PAPPA2: variants seen among roughly 807,000 people sequenced by gnomAD.
PAPPA2 encodes pappalysin-2.
Under a neutral mutation model 176.4 loss-of-function variants are expected in PAPPA2, and 86 were observed. The observed-to-expected ratio is 0.49, with a 90% CI of 0.41 to 0.58. The LOEUF (loss-of-function observed/expected upper bound fraction) is 0.58, where lower values mean the gene tolerates loss of function less well. Among genes scored for constraint, PAPPA2 ranks in the 20% least tolerant of loss-of-function variants. The probability of loss-of-function intolerance (pLI) is 0.00; values close to 1 mark genes in which losing one functional copy is unlikely to be tolerated. For missense variants in PAPPA2, 2,073 were observed against 2,256.9 expected, an observed-to-expected ratio of 0.92 and a Z score of 1.65; for synonymous variants, 809 against 852.2, an observed-to-expected ratio of 0.95 and a Z score of 0.88.
At chr1:176,723,100 G>A (rs565777005) in intron 12 of PAPPA2, among the ~76,000 whole-genome samples, 5 of 152,090 alleles carry the variant, frequency 3.3e-5, no homozygotes, top group Non-Finnish European at 7.4e-5. Context: ...AGGGTAGTAG[G>A]GCAAAAGAGA....
At chr1:176,652,061 G>A (rs561547210) in intron 3 of PAPPA2, among the ~76,000 whole-genome samples, 15 of 151,334 alleles carry the variant, frequency 9.9e-5, no homozygotes, top group South Asian at 4.2e-4. Context: ...TGTTATCTTG[G>A]AGATCACTCA....
rs1479857304 is a variant in PAPPA2, at chr1:176,845,246, G to T, written c.*2792G>T. 6.6e-6 allele frequency: 1 copy of T among 152,200 alleles called. No individual in the cohort carries two copies. Among genetic ancestry groups the T allele is most frequent in the Admixed American group, 6.5e-5 (1 of 15,274 alleles). 9.4% of individuals were successfully genotyped at this position (152,200 alleles called of 1,614,324 possible). A position where few individuals can be genotyped will look rare whatever the true frequency, so the allele number is the denominator to read the frequency against. On this transcript the variant is annotated 3_prime_UTR_variant, in exon 23 of 23. Transcript: ENST00000367662. Reference sequence around the variant, plus strand: ...TCTGTGTGTTTGATTGTGCCCAGGTGGCCCAGGGCTAGCTGGCTCTAACAA... The same window carrying T: ...TCTGTGTGTTTGATTGTGCCCAGGTTGCCCAGGGCTAGCTGGCTCTAACAA...
chr1:176,482,928 G>C (rs1416130450), intron 1 of PAPPA2, among the ~76,000 whole-genome samples: 1 of 152,172 alleles, frequency 6.6e-6, no homozygotes, highest in Non-Finnish European at 1.5e-5. Context: ...TGTAATGAGG[G>C]AGGAGGATGG....
At position 176,473,087 on chromosome 1, in the gene PAPPA2, A is replaced by G. The variant is rs185333480; in HGVS notation, c.-917+9669A>G. Among the ~76,000 whole-genome samples, 23 of 152,262 alleles carry G rather than the reference A, an allele frequency of 1.5e-4. No homozygotes were observed. The East Asian group carries it at 3.5e-3, about 23-fold the overall frequency. The stretch of plus-strand genomic sequence containing the variant: ...GGTTCACTTTTGGTGCTTACATTCT[A>G]TAGATTTTGAAATTCATAATGATAT... On this transcript the variant is annotated intron_variant, in intron 1 of 22. Transcript: ENST00000367662.
intron 17 of PAPPA2, among the ~76,000 whole-genome samples, chr1:176,786,673 A>C (rs954509208): frequency 1.3e-5 from 2 of 152,210 alleles, no homozygotes; most frequent in African/African-American, 4.8e-5. Flanking sequence ...TCAGAGCCTG[A>C]CGTGGCAGGA....
At chr1:176,740,594 A>G (rs1354818280) in intron 14 of PAPPA2, among the ~76,000 whole-genome samples, 1 of 152,210 alleles carries the variant, frequency 6.6e-6, no homozygotes, top group Non-Finnish European at 1.5e-5. Flanking sequence ...TAGCAAGTTT[A>G]ACAATTGCTT....
chr1:176,516,264 G>A (rs549517164), intron 1 of PAPPA2, among the ~76,000 whole-genome samples: 33 of 147,400 alleles, frequency 2.2e-4, no homozygotes, highest in Middle Eastern at 7.1e-3. Context: ...CAAATGAAGA[G>A]AGTTTAATTC....
rs1660965625 is a variant in PAPPA2 at position 176,708,132 on chromosome 1, C to T, written c.3457+1682C>T. 2.0e-5 allele frequency among the ~76,000 whole-genome samples: 3 copies of T among 152,280 alleles called. No homozygotes were observed. In the South Asian group the frequency reaches 6.2e-4, roughly 32 times the overall value. On this transcript the variant is annotated intron_variant, in intron 10 of 22. Transcript: ENST00000367662. ...TATATTCTCCAAACACTGAACTTTC[C>T]TCAGTGTAGCTCAAGTCTTATTTAA...
chr1:176,730,521 T>C (rs1329108366), intron 12 of PAPPA2, among the ~76,000 whole-genome samples: 1 of 152,028 alleles, frequency 6.6e-6, no homozygotes, highest in Admixed American at 6.6e-5. Context: ...TGCATGGGGT[T>C]TGTCTGGCTT....
At chr1:176,592,953 G>A (rs80293918) in intron 2 of PAPPA2, among the ~76,000 whole-genome samples, 2 of 152,234 alleles carry the variant, frequency 1.3e-5, no homozygotes, top group East Asian at 3.9e-4. Context: ...AGTTTGTAGA[G>A]GAGTATTCCT....
chr1:176,646,310 G>T (rs916173656), intron 3 of PAPPA2, among the ~76,000 whole-genome samples: 1 of 150,654 alleles, frequency 6.6e-6, no homozygotes. Context: ...TATTTATGAG[G>T]TACATGAGAT....
intron 17 of PAPPA2, among the ~76,000 whole-genome samples, chr1:176,771,535 G>A (rs746403710): frequency 6.6e-6 from 1 of 152,070 alleles, no homozygotes; most frequent in Non-Finnish European, 1.5e-5. Context: ...TATGAGCTGT[G>A]GATATTGGGA....
intron 3 of PAPPA2, among the ~76,000 whole-genome samples, chr1:176,658,866 T>A (rs1658174940): frequency 6.6e-6 from 1 of 151,908 alleles, no homozygotes; most frequent in Non-Finnish European, 1.5e-5. Flanking sequence ...CTAGAATGGA[T>A]GTGATATTAG....
intron 2 of PAPPA2, among the ~76,000 whole-genome samples, chr1:176,588,882 A>T (rs571784444): frequency 2.2e-4 from 33 of 152,334 alleles, no homozygotes; most frequent in African/African-American, 7.5e-4. Flanking sequence ...AAGAACAGGC[A>T]CACAGTCATT....
intron 12 of PAPPA2, among the ~76,000 whole-genome samples, chr1:176,714,196 A>T (rs1158499192): frequency 6.6e-6 from 1 of 152,086 alleles, no homozygotes; most frequent in Non-Finnish European, 1.5e-5. Context: ...TAGATCCCCC[A>T]CTTGGCCAAA....
intron 21 of PAPPA2, among the ~76,000 whole-genome samples, chr1:176,821,938 A>C (rs1336451920): frequency 1.3e-5 from 2 of 152,234 alleles, no homozygotes; most frequent in Non-Finnish European, 2.9e-5. Context: ...CAACAGTCTT[A>C]TCCAGTCCTA....
At chr1:176,693,402 T>G (rs1660214260) in intron 6 of PAPPA2, among the ~76,000 whole-genome samples, 1 of 152,202 alleles carries the variant, frequency 6.6e-6, no homozygotes, top group Non-Finnish European at 1.5e-5. Context: ...AATTCGGGAA[T>G]AAGGAACATA....
chr1:176,831,241 A>G (rs925490877), intron 21 of PAPPA2, among the ~76,000 whole-genome samples: 1 of 152,108 alleles, frequency 6.6e-6, no homozygotes, highest in Non-Finnish European at 1.5e-5. Context: ...GTAACAGGTG[A>G]GGGAAGAGAT....
chr1:176,646,395 C>T (rs1163066902), intron 3 of PAPPA2, among the ~76,000 whole-genome samples: 1 of 150,996 alleles, frequency 6.6e-6, no homozygotes, highest in African/African-American at 2.4e-5. Context: ...AGCATTTATC[C>T]TTTCTTTGCA....
Sources: allele counts gnomAD v4.1 joint callset (sites outside exome capture counted in the v4.1 genomes callset), GRCh38; gene constraint gnomAD v4.1.1; transcripts MANE v1.5; gene names NCBI Gene and HGNC (gene_info 2026-07-23, HGNC 2026-07-21).